Variants in ARID5B observed in about 807,000 individuals in gnomAD.
ARID5B encodes AT-rich interaction domain 5B.
Under a neutral mutation model 97.2 loss-of-function variants are expected in ARID5B, and 13 were observed. That is an observed-to-expected ratio of 0.13 (90% CI 0.09 to 0.21). The LOEUF (loss-of-function observed/expected upper bound fraction) is 0.21, where lower values mean the gene tolerates loss of function less well. Ranked by LOEUF, ARID5B falls within the 10% of genes least tolerant of loss-of-function variation. The pLI, the probability that ARID5B is intolerant of heterozygous loss-of-function variation, is 1.00. For missense variants in ARID5B, 1,210 were observed against 1,465.3 expected, an observed-to-expected ratio of 0.83 and a Z score of 2.84; for synonymous variants, 556 against 570.3, an observed-to-expected ratio of 0.97 and a Z score of 0.36.
intron 3 of ARID5B, among the ~76,000 whole-genome samples, chr10:61,963,496 C>T (rs1419192218): frequency 1.3e-5 from 2 of 151,918 alleles, no homozygotes; most frequent in African/African-American, 2.4e-5. Context: ...AGCGAGACTG[C>T]ACCCAGAACC....
rs925269076 is a variant in ARID5B, at chr10:62,096,158, C to A, written c.*3128C>A. 3 of 233,448 alleles carry A rather than the reference C, an allele frequency of 1.3e-5. No individual in the cohort carries two copies. The highest frequency in any genetic ancestry group is 2.5e-5 in the Non-Finnish European group (3 of 118,000). 14.5% of individuals were successfully genotyped at this position (233,448 alleles called of 1,614,324 possible). A position where few individuals can be genotyped will look rare whatever the true frequency, so the allele number is the denominator to read the frequency against. ...TTTACTAGCTAGAAGCTCTTAAGTT[C>A]ACTTGTTTATCAGGGCATATACAGA... On this transcript the variant is annotated 3_prime_UTR_variant, in exon 10 of 10. Coordinates refer to ENST00000279873, the MANE Select transcript of ARID5B (RefSeq NM_032199.3).
At chr10:61,936,230 C>T (rs1035801787) in intron 2 of ARID5B, among the ~76,000 whole-genome samples, 1 of 152,170 alleles carries the variant, frequency 6.6e-6, no homozygotes. Flanking sequence ...TTAAAACTTG[C>T]TATATCTCCT....
intron 4 of ARID5B, among the ~76,000 whole-genome samples, chr10:62,028,984 A>G (rs1294924333): frequency 6.6e-6 from 1 of 151,446 alleles, no homozygotes; most frequent in Non-Finnish European, 1.5e-5. Context: ...AGCTCATAGA[A>G]GTACAGTACC....
At chr10:62,052,248 C>T (rs1310533137) in intron 5 of ARID5B, among the ~76,000 whole-genome samples, 1 of 152,228 alleles carries the variant, frequency 6.6e-6, no homozygotes, top group Non-Finnish European at 1.5e-5. Context: ...CACATGGATG[C>T]CATGAATGAC....
At position 62,095,058 on chromosome 10, in the gene ARID5B, A is replaced by T. The variant is rs1215591014; in HGVS notation, c.*2028A>T. 1 of 229,746 alleles carries T rather than the reference A, an allele frequency of 4.4e-6. No individual in the cohort carries two copies. Among genetic ancestry groups the T allele is most frequent in the African/African-American group, 2.2e-5 (1 of 45,108 alleles). 14.2% of individuals were successfully genotyped at this position (229,746 alleles called of 1,614,324 possible). On this transcript the variant is annotated 3_prime_UTR_variant, in exon 10 of 10. Coordinates refer to ENST00000279873, the MANE Select transcript of ARID5B (RefSeq NM_032199.3). ...AAAAGAATGTAGAGATCCAGTGTTA[A>T]GAGTTCCATTTGCTTCAATTAATTA...
intron 8 of ARID5B, among the ~76,000 whole-genome samples, chr10:62,080,941 G>A (rs1840205273): frequency 6.6e-6 from 1 of 151,980 alleles, no homozygotes; most frequent in Non-Finnish European, 1.5e-5. Context: ...TCCTGCCTCA[G>A]TTTCCCAAGT....
At chr10:62,011,751 A>T (rs998704161) in intron 4 of ARID5B, among the ~76,000 whole-genome samples, 3 of 152,234 alleles carry the variant, frequency 2.0e-5, no homozygotes, top group African/African-American at 7.2e-5. Flanking sequence ...CAGGAAGTTG[A>T]AGAAACTGGT....
chr10:61,968,206 AC>A (rs1395339401), intron 3 of ARID5B, among the ~76,000 whole-genome samples: 125 of 149,540 alleles, frequency 8.4e-4, no homozygotes, highest in African/African-American at 2.9e-3. Context: ...ACACACACAC[AC>A]ACACACAAAC....
intron 4 of ARID5B, among the ~76,000 whole-genome samples, chr10:62,039,784 T>C (rs1228541539): frequency 6.6e-6 from 1 of 152,262 alleles, no homozygotes; most frequent in Non-Finnish European, 1.5e-5. Context: ...TTTTCTGGGC[T>C]TATTGGAATG....
chr10:62,075,616 T>A (rs1016361149), intron 8 of ARID5B, among the ~76,000 whole-genome samples: 1 of 152,232 alleles, frequency 6.6e-6, no homozygotes, highest in African/African-American at 2.4e-5. Context: ...CAGGAGCTTG[T>A]CAAAGCTCCT....
chr10:62,048,845 A>G (rs1839746528), intron 4 of ARID5B, among the ~76,000 whole-genome samples: 1 of 152,242 alleles, frequency 6.6e-6, no homozygotes, highest in African/African-American at 2.4e-5. Context: ...GGAAGGGAAG[A>G]TCATAGTAAC....
chr10:61,938,090 C>T (rs1844337400), intron 2 of ARID5B, among the ~76,000 whole-genome samples: 1 of 152,068 alleles, frequency 6.6e-6, no homozygotes, highest in Admixed American at 6.6e-5. Context: ...CATGAAAGAT[C>T]TGTTTGAGAG....
At chr10:62,005,381 T>TA (rs1201108344) in intron 4 of ARID5B, among the ~76,000 whole-genome samples, 1 of 152,176 alleles carries the variant, frequency 6.6e-6, no homozygotes, top group Non-Finnish European at 1.5e-5. Context: ...CACTTGATTT[T>TA]AAAAAACCCT....
chr10:62,076,642 GA>G (rs1840141098), intron 8 of ARID5B, among the ~76,000 whole-genome samples: 2 of 151,548 alleles, frequency 1.3e-5, no homozygotes, highest in Admixed American at 1.3e-4. Flanking sequence ...ATCAAAGAAG[GA>G]AGAGAGAAAT....
chr10:61,918,422 A>G (rs1843948352), intron 2 of ARID5B, among the ~76,000 whole-genome samples: 1 of 152,162 alleles, frequency 6.6e-6, no homozygotes. Context: ...GGCTTATCCT[A>G]GGTCTGCAGC....
chr10:62,009,500 A>G (rs1466462231), intron 4 of ARID5B, among the ~76,000 whole-genome samples: 1 of 152,110 alleles, frequency 6.6e-6, no homozygotes, highest in East Asian at 1.9e-4. Context: ...AAAATCTTGC[A>G]TTTTACCCAT....
chr10:61,990,237 G>A (rs1838905391), intron 3 of ARID5B, among the ~76,000 whole-genome samples: 1 of 152,224 alleles, frequency 6.6e-6, no homozygotes, highest in Non-Finnish European at 1.5e-5. Flanking sequence ...TCTTGACACA[G>A]ATGTTAGCTC....
chr10:62,092,165 C>T lies in ARID5B; in HGVS notation c.2702C>T (p.Thr901Met), dbSNP rs199637139. The T allele has an allele frequency of 5.6e-6, 9 of 1,608,914 alleles. No individual in the cohort carries two copies. The highest frequency in any genetic ancestry group is 2.2e-5 in the East Asian group (1 of 44,866). The change falls in exon 10 of 10, where the codon ACG becomes ATG. Residue 901 changes from threonine (T) to methionine (M), a missense_variant. Around this residue, in one of 8 missense-constraint regions of ARID5B, gnomAD observed 800 missense variants for 839.1 expected, o/e 0.95. Coordinates refer to ENST00000279873, the MANE Select transcript of ARID5B (RefSeq NM_032199.3). ...AAGTCGGCGGCAGCAGAAGCCCCTACGGATGATCAGCCTACAGATCTGAGC... is the reference window on the plus strand; with the variant it reads ...AAGTCGGCGGCAGCAGAAGCCCCTATGGATGATCAGCCTACAGATCTGAGC... The part of the protein sequence containing the change: ...DKKSAAAEAP[T>M]DDQPTDLSLP...
At chr10:61,986,545 G>A (rs970597684) in intron 3 of ARID5B, among the ~76,000 whole-genome samples, 1 of 152,142 alleles carries the variant, frequency 6.6e-6, no homozygotes, top group East Asian at 1.9e-4. Context: ...ACAAAAAAGT[G>A]GGGGAGGGTG....
Sources: allele counts gnomAD v4.1 joint callset (sites outside exome capture counted in the v4.1 genomes callset), GRCh38; gene constraint gnomAD v4.1.1; regional missense constraint gnomAD v4.1.1; transcripts MANE v1.5; gene names NCBI Gene and HGNC (gene_info 2026-07-23, HGNC 2026-07-21).